Variants in KCNRG observed in about 807,000 individuals in gnomAD.
The protein encoded by KCNRG is potassium channel regulatory protein.
Under a neutral mutation model 17.7 loss-of-function variants are expected in KCNRG, and 17 were observed. The ratio of observed to expected loss-of-function variants is 0.96; its 90% CI spans 0.66 to 1.44. KCNRG has a LOEUF of 1.44. Among genes scored for constraint, KCNRG ranks in the 40% most tolerant of loss-of-function variants. The pLI, the probability that KCNRG is intolerant of heterozygous loss-of-function variation, is 0.00. For missense variants in KCNRG, 311 were observed against 321.1 expected (o/e 0.97, Z 0.24); for synonymous variants, 97 against 116.5 (o/e 0.83, Z 1.08).
In KCNRG at chr13:50,016,077, T is replaced by G; in HGVS notation, c.578+6T>G. On this transcript the variant is annotated splice_donor_region_variant and intron_variant, in intron 1 of 1. Coordinates refer to ENST00000312942, the MANE Select transcript of KCNRG (RefSeq NM_173605.2). ...GATAACCAAACTGGAGTCAGGTATT[T>G]TGTACTTTGCAGTATTTCTCTTGTA... The G allele has an allele frequency of 6.2e-7, 1 of 1,607,382 alleles. No homozygotes were observed. Among genetic ancestry groups the G allele is most frequent in the Non-Finnish European group, 8.5e-7 (1 of 1,174,230 alleles).
At position 50,020,252 on chromosome 13, in the gene KCNRG, A is replaced by G. The variant is rs758105391; in HGVS notation, c.617A>G (p.Asn206Ser). Residue 206 changes from asparagine (N) to serine (S), a missense_variant, in exon 2 of 2, where the codon AAC becomes AGC. By Grantham distance (46) the Asn-to-Ser change is conservative. Coordinates refer to ENST00000312942, the MANE Select transcript of KCNRG (RefSeq NM_173605.2). ...AAACCTGATAACCGAAAATTGGCCAACGGAACAAATGTCCTCGGCTTACTG... is the reference window on the plus strand; with the variant it reads ...AAACCTGATAACCGAAAATTGGCCAGCGGAACAAATGTCCTCGGCTTACTG... ...SIKPDNRKLA[N>S]GTNVLGLLID... 3.1e-6 allele frequency: 5 copies of G among 1,614,114 alleles called. No individual in the cohort carries two copies. The highest frequency in any genetic ancestry group is 4.5e-5 in the East Asian group (2 of 44,866).
At chr13:50,016,131 C>T (rs1231932835) in intron 1 of KCNRG, 60 bp downstream of exon 1, 2 of 1,258,362 alleles carry the variant, frequency 1.6e-6, no homozygotes, top group Admixed American at 2.1e-5. Flanking sequence ...TCTCTAAAAA[C>T]TTGAAGTTCC....
chr13:50,016,886 G>T (rs1876660938), intron 1 of KCNRG: 3 of 164,606 alleles, frequency 1.8e-5, no homozygotes, highest in African/African-American at 4.9e-5. Flanking sequence ...TTTTGGTAAA[G>T]GTAGGCGTAT....
chr13:50,016,326 A>T (rs1253995874), intron 1 of KCNRG: 1 of 399,344 alleles, frequency 2.5e-6, no homozygotes, highest in Non-Finnish European at 4.7e-6. Context: ...GAGACTATGG[A>T]CATTCAAATC....
chr13:50,015,733 T>C lies in KCNRG; in HGVS notation c.240T>C (p.Leu80=), dbSNP rs750165798. Residue 80 remains leucine (L), a synonymous_variant, in exon 1 of 2, where the codon CTT becomes CTC. Transcript: ENST00000312942. ...LLLPTEFSDY[L]RLQREALFYE... ...TACCCACTGAATTTTCAGACTATCT[T>C]AGGCTTCAGAGAGAGGCTCTTTTCT... The C allele has an allele frequency of 7.4e-6, 12 of 1,613,980 alleles. No individual in the cohort carries two copies. The highest frequency in any genetic ancestry group is 1.7e-5 in the Admixed American group (1 of 60,002).
Position 50,020,223 on chromosome 13 carries a change from T to C in KCNRG, c.588T>C (p.Ser196=), listed in dbSNP as rs1226000521. 6.2e-7 allele frequency: 1 copy of C among 1,614,072 alleles called. No individual in the cohort carries two copies. The highest frequency in any genetic ancestry group is 1.7e-4 in the Middle Eastern group (1 of 6,056). The stretch of plus-strand genomic sequence containing the variant: ...TTTTTGTGTGTCCTAGGTATGTTTC[T>C]ATAAAACCTGATAACCGAAAATTGG... ...TDNQTGVRYV[S]IKPDNRKLAN... is the part of the protein sequence containing the mutation. Residue 196 remains serine (S), a synonymous_variant, in exon 2 of 2, where the codon TCT becomes TCC. Transcript: ENST00000312942.
intron 1 of KCNRG, chr13:50,018,801 G>A (rs182530547): frequency 6.3e-6 from 1 of 158,908 alleles, no homozygotes; most frequent in East Asian, 1.9e-4. Context: ...TATTGAGATG[G>A]AGTTTCACTC....
At position 50,015,978 on chromosome 13, in the gene KCNRG, CCTTA is replaced by C. The variant is rs778140721; in HGVS notation, c.489_492del (p.Leu163PhefsTer34). The C allele has an allele frequency of 2.4e-5, 39 of 1,614,058 alleles. No individual in the cohort carries two copies. The African/African-American group carries it at 3.3e-4, about 14-fold the overall frequency. ...GGTAACTTTTTCCCTCCTCAGATGACCTTACTTCCACTGCCTCCACAAAGACCTT... is the reference window on the plus strand; with the variant it reads ...GGTAACTTTTTCCCTCCTCAGATGACCTTCCACTGCCTCCACAAAGACCTT... On this transcript the variant is annotated frameshift_variant, in exon 1 of 2. Transcript: ENST00000312942. LOFTEE classifies it high-confidence loss of function.
rs1173288090 is a variant in KCNRG, at chr13:50,017,219, TTAAAA to T, written c.578+1151_578+1155del. On this transcript the variant is annotated intron_variant, in intron 1 of 1. Transcript: ENST00000312942. ...ACAAAAATGAAATTTTTTTTGGTTT[TTAAAA>T]TATGAGTGATTATGACCTCTTTGGG... The T allele has an allele frequency of 2.5e-4, 42 of 167,156 alleles. No individual in the cohort carries two copies. The East Asian group carries it at 8.1e-3, about 32-fold the overall frequency. 10.4% of individuals were successfully genotyped at this position (167,156 alleles called of 1,614,324 possible).
chr13:50,017,368 A>G (rs1039100928), intron 1 of KCNRG: 1 of 167,092 alleles, frequency 6.0e-6, no homozygotes. Context: ...AAAACCATGC[A>G]TTTGGAGAAA....
chr13:50,016,863 C>CTTTT (rs34862097), intron 1 of KCNRG: 1 of 148,684 alleles, frequency 6.7e-6, no homozygotes, highest in African/African-American at 2.6e-5. Context: ...TTAAAATATA[C>CTTTT]TTTTTTTTTT....
In KCNRG at chr13:50,015,734, A is replaced by G. The variant is rs1471743844; in HGVS notation, c.241A>G (p.Arg81Gly). ...LLPTEFSDYL[R>G]LQREALFYEL... The stretch of plus-strand genomic sequence containing the variant: ...ACCCACTGAATTTTCAGACTATCTT[A>G]GGCTTCAGAGAGAGGCTCTTTTCTA... The change falls in exon 1 of 2, where the codon AGG becomes GGG. Residue 81 changes from arginine to glycine, a missense_variant. Coordinates refer to ENST00000312942, the MANE Select transcript of KCNRG (RefSeq NM_173605.2). 16 of 1,614,004 alleles carry G rather than the reference A, an allele frequency of 9.9e-6. No individual in the cohort carries two copies. Among genetic ancestry groups the G allele is most frequent in the Admixed American group, 8.3e-5 (5 of 59,994 alleles).
At chr13:50,016,752 A>G (rs1876639745) in intron 1 of KCNRG, 1 of 167,052 alleles carries the variant, frequency 6.0e-6, no homozygotes. Flanking sequence ...CCCCCGTAAA[A>G]TGTCTTAATG....
rs985348380 is a variant in KCNRG, at chr13:50,017,989, T to C, written c.578+1918T>C. On this transcript the variant is annotated intron_variant, in intron 1 of 1. Transcript: ENST00000312942. ...TTATTATCTCTCAAGGTCACAGTACTAGAAATACTTGGCTTGCATCTTTCA... is the reference window on the plus strand; with the variant it reads ...TTATTATCTCTCAAGGTCACAGTACCAGAAATACTTGGCTTGCATCTTTCA... 3 of 167,084 alleles carry C rather than the reference T, an allele frequency of 1.8e-5. No individual in the cohort carries two copies. In the Admixed American group the frequency reaches 2.0e-4, roughly 11 times the overall value. The allele number at this position is 167,084 out of a possible 1,614,324, so 10.4% of individuals were successfully genotyped here. A position where few individuals can be genotyped will look rare whatever the true frequency, so the allele number is the denominator to read the frequency against.
chr13:50,015,568 G>A lies in KCNRG; in HGVS notation c.75G>A (p.Gln25=). 1 of 1,614,144 alleles carries A rather than the reference G, an allele frequency of 6.2e-7. No homozygotes were observed. Among genetic ancestry groups the A allele is most frequent in the Non-Finnish European group, 8.5e-7 (1 of 1,179,984 alleles). Residue 25 remains glutamine, a synonymous_variant, in exon 1 of 2, where the codon CAG becomes CAA. Transcript: ENST00000312942. ...CGACAAGGTTTTCTACGATAAAGCA[G>A]TTTCCTGCTTCTCGTTTGGCACGCA... ...IFTTRFSTIK[Q]FPASRLARML... is the part of the protein sequence containing the mutation.
At chr13:50,016,863 CTTT>C (rs34862097) in intron 1 of KCNRG, 324 of 149,254 alleles carry the variant, frequency 2.2e-3, no homozygotes, top group Non-Finnish European at 4.7e-4. Context: ...TTAAAATATA[CTTT>C]TTTTTTTTTT....
intron 1 of KCNRG, chr13:50,018,869 T>G (rs570762216): frequency 1.3e-5 from 2 of 158,806 alleles, no homozygotes; most frequent in African/African-American, 2.4e-5. Flanking sequence ...CCTCCGCCTC[T>G]GGGGTTCAAG....
At position 50,020,282 on chromosome 13, in the gene KCNRG, A is replaced by G; in HGVS notation, c.647A>G (p.Asp216Gly). 6.2e-7 allele frequency: 1 copy of G among 1,614,052 alleles called. No individual in the cohort carries two copies. Among genetic ancestry groups the G allele is most frequent in the South Asian group, 1.1e-5 (1 of 91,086 alleles). The change falls in exon 2 of 2, where the codon GAC (aspartate) becomes GGC (glycine). Residue 216 changes from aspartate (D) to glycine (G), a missense_variant. Transcript: ENST00000312942. ...NGTNVLGLLI[D>G]TLLKEGFHLV... ...ACAAATGTCCTCGGCTTACTGATTGACACTTTATTAAAGGAAGGCTTTCAT... is the reference window on the plus strand; with the variant it reads ...ACAAATGTCCTCGGCTTACTGATTGGCACTTTATTAAAGGAAGGCTTTCAT...
Position 50,015,958 on chromosome 13 carries a change from C to G in KCNRG, c.465C>G (p.Asn155Lys), listed in dbSNP as rs764218311. 3 of 1,613,982 alleles carry G rather than the reference C, an allele frequency of 1.9e-6. No homozygotes were observed. Among genetic ancestry groups the G allele is most frequent in the Non-Finnish European group, 2.5e-6 (3 of 1,179,978 alleles). ...EQPSAPTWNG[N>K]FFPPQMTLLP... is the part of the protein sequence containing the mutation. ...CTTCAGCGCCGACCTGGAATGGTAA[C>G]TTTTTCCCTCCTCAGATGACCTTAC... The change falls in exon 1 of 2, where the codon AAC becomes AAG. Residue 155 changes from asparagine (N) to lysine (K), a missense_variant. Physicochemically the swap from Asn to Lys is moderately conservative, Grantham distance 94 (BLOSUM62 0). Transcript: ENST00000312942.
Sources: gnomAD v4.1 joint callset for allele counts on GRCh38, gnomAD v4.1.1 for gene constraint, MANE v1.5 for transcripts, NCBI Gene and HGNC (gene_info 2026-07-23, HGNC 2026-07-21) for gene names.